The following ZAN variants were observed in gnomAD, a reference collection of about 807,000 sequenced individuals.
The protein encoded by ZAN is zonadhesin (gene/pseudogene).
ZAN carries 260 observed loss-of-function variants against 286.2 expected under a neutral mutation model. That is an observed-to-expected ratio of 0.91 (90% CI 0.82 to 1.01). The LOEUF (loss-of-function observed/expected upper bound fraction) is 1.01. Among genes scored for constraint, ZAN ranks in the 50% least tolerant of loss-of-function variants. The pLI is 0.00. For missense variants in ZAN, 3,410 were observed against 3,639.2 expected (o/e 0.94, Z 1.62); for synonymous variants, 1,368 against 1,417.5 (o/e 0.97, Z 0.79).
Position 100,748,588 on chromosome 7 carries a change from G to C in ZAN, c.1249+118G>C, listed in dbSNP as rs1808398188. 4 of 1,393,234 alleles carry C rather than the reference G, an allele frequency of 2.9e-6. No homozygotes were observed. In the East Asian group the frequency reaches 1.0e-4, roughly 35 times the overall value. The allele number at this position is 1,393,234 out of a possible 1,614,324, so 86.3% of individuals were successfully genotyped here. ...CAGGCAGTGGGAAGATCAGTCCACA[G>C]GTGTTTTTTCGGAAGTTTCCATGGT... is the stretch of plus-strand genomic sequence containing the variant. On this transcript the variant is annotated intron_variant, in intron 11 of 47. Coordinates refer to ENST00000613979, the MANE Select transcript of ZAN (RefSeq NM_003386.3).
intron 20 of ZAN, among the ~76,000 whole-genome samples, chr7:100,762,669 C>T (rs1809680221): frequency 6.6e-6 from 1 of 151,712 alleles, no homozygotes; most frequent in South Asian, 2.1e-4. Context: ...AAGTGATCCA[C>T]CTGCCTTGGC....
At chr7:100,771,048 C>G (rs62483598) in intron 28 of ZAN, among the ~76,000 whole-genome samples, 38,816 of 152,044 alleles carry the variant, frequency 0.26, 5,240 homozygotes, top group Non-Finnish European at 0.29. Flanking sequence ...AAATGATCCA[C>G]CTGCCTTGGC....
chr7:100,745,073 G>A (rs145231154), intron 7 of ZAN, among the ~76,000 whole-genome samples: 2,642 of 151,566 alleles, frequency 0.017, 130 homozygotes, highest in African/African-American at 0.062. Context: ...TAGTAGAGAC[G>A]GGATTTCGCC....
chr7:100,742,874 GGAGA>G (rs1331955765), intron 7 of ZAN, among the ~76,000 whole-genome samples: 2 of 43,318 alleles, frequency 4.6e-5, no homozygotes, highest in Non-Finnish European at 5.8e-5. Context: ...CGGAGACGAG[GGAGA>G]GGGAGGGGGA....
chr7:100,735,837 G>T, intron 3 of ZAN, 65 bp downstream of exon 3: 2 of 1,256,472 alleles, frequency 1.6e-6, no homozygotes, highest in African/African-American at 1.5e-5. Context: ...TCTGCCACCA[G>T]AATGCCAGTT....
chr7:100,781,404 A>C (rs1811186925), intron 35 of ZAN, among the ~76,000 whole-genome samples: 1 of 152,088 alleles, frequency 6.6e-6, no homozygotes, highest in Non-Finnish European at 1.5e-5. Context: ...CTCGCGTTCC[A>C]GGAGCAAAGC....
At chr7:100,739,074 T>C (rs1271469107) in intron 7 of ZAN, among the ~76,000 whole-genome samples, 3 of 128,002 alleles carry the variant, frequency 2.3e-5, no homozygotes, top group Admixed American at 7.9e-5. Flanking sequence ...TGCAGTGGCG[T>C]GATCTCTGCT....
intron 20 of ZAN, among the ~76,000 whole-genome samples, chr7:100,762,844 A>T (rs1221292413): frequency 6.6e-6 from 1 of 151,718 alleles, no homozygotes; most frequent in Non-Finnish European, 1.5e-5. Flanking sequence ...AGCTCAAGCA[A>T]TCCTCCCTTC....
At chr7:100,785,570 T>G (rs1463394613) in intron 36 of ZAN, among the ~76,000 whole-genome samples, 2 of 152,090 alleles carry the variant, frequency 1.3e-5, no homozygotes, top group Non-Finnish European at 2.9e-5. Context: ...ACACTGTGGC[T>G]GCCTCTGGCC....
Position 100,748,147 on chromosome 7 carries a change from T to C in ZAN, c.1034T>C (p.Val345Ala), listed in dbSNP as rs1290589060. Residue 345 changes from valine to alanine, a missense_variant, in exon 10 of 48, where the codon GTA (valine) becomes GCA (alanine). Physicochemically the swap from Val to Ala is moderately conservative, Grantham distance 64. Coordinates refer to ENST00000613979, the MANE Select transcript of ZAN (RefSeq NM_003386.3). ...TCCCTTTCTCTCCAGTTTGCCGTGG[T>C]AGGCGTTTTTGGAAAGACCCCAGAG... ...TAVGRIQFAV[V>A]GVFGKTPEPA... is the part of the protein sequence containing the mutation. 3.7e-6 allele frequency: 6 copies of C among 1,613,860 alleles called. No individual in the cohort carries two copies. In the South Asian group the frequency reaches 5.5e-5, roughly 15 times the overall value.
Position 100,790,930 on chromosome 7 carries a change from T to G in ZAN, c.7358-12T>G. The G allele has an allele frequency of 6.3e-7, 1 of 1,587,966 alleles. No individual in the cohort carries two copies. Among genetic ancestry groups the G allele is most frequent in the Non-Finnish European group, 8.6e-7 (1 of 1,167,898 alleles). On this transcript the variant is annotated splice_polypyrimidine_tract_variant and intron_variant, in intron 39 of 47. Transcript: ENST00000613979. ...AGGAGTCTCACTTCTGGGGACCCCC[T>G]TCCTCCCGCAGTGATCTCCCTACCC...
chr7:100,749,671 TATATAC>T (rs1321759234), intron 11 of ZAN, among the ~76,000 whole-genome samples: 1 of 137,826 alleles, frequency 7.3e-6, no homozygotes, highest in African/African-American at 2.7e-5. Context: ...TATATATATA[TATATAC>T]ACACACACAC....
intron 34 of ZAN, 74 bp from the exon 35 acceptor site, chr7:100,779,372 C>T: frequency 6.9e-7 from 1 of 1,441,242 alleles, no homozygotes; most frequent in Non-Finnish European, 9.2e-7. Context: ...AGCAAGACTC[C>T]CCCTAAAGAA....
intron 29 of ZAN, among the ~76,000 whole-genome samples, chr7:100,772,860 T>G (rs921797844): frequency 1.1e-4 from 7 of 61,754 alleles, no homozygotes; most frequent in African/African-American, 1.8e-4. Context: ...TTTATGTCTG[T>G]TTTTTTTTTG....
At chr7:100,743,608 A>G (rs1322430954) in intron 7 of ZAN, among the ~76,000 whole-genome samples, 1 of 152,084 alleles carries the variant, frequency 6.6e-6, no homozygotes, top group Non-Finnish European at 1.5e-5. Context: ...CAGGTGCAGT[A>G]GCTCATGCCT....
chr7:100,750,685 T>G lies in ZAN; in HGVS notation c.1310T>G (p.Leu437Arg). ...EFSQAGQSVR[L>R]VSRPFCAPGD... The stretch of plus-strand genomic sequence containing the variant: ...TCCCAGGCAGGCCAGTCAGTCAGAC[T>G]GGTGAGCCGGCCCTTCTGCGCCCCA... Residue 437 changes from leucine to arginine, a missense_variant, in exon 12 of 48, where the codon CTG becomes CGG. This residue lies in a region of ZAN where 872 missense variants were observed against 938.9 expected (regional missense o/e 0.93). Coordinates refer to ENST00000613979, the MANE Select transcript of ZAN (RefSeq NM_003386.3). 1 of 1,613,408 alleles carries G rather than the reference T, an allele frequency of 6.2e-7. No homozygotes were observed. Among genetic ancestry groups the G allele is most frequent in the South Asian group, 1.1e-5 (1 of 90,914 alleles).
At position 100,775,431 on chromosome 7, in the gene ZAN, C is replaced by G. The variant is rs1282894768; in HGVS notation, c.5883C>G (p.Cys1961Trp). ...DACTLVLVKV[C>W]HPAMALPFFK... is the part of the protein sequence containing the mutation. Reference sequence around the variant, plus strand: ...GCACTCTTGTCCTGGTGAAAGTGTGCCACCCCGCCATGGCCTTGCCCTTCT... The same window carrying G: ...GCACTCTTGTCCTGGTGAAAGTGTGGCACCCCGCCATGGCCTTGCCCTTCT... The change falls in exon 32 of 48, where the codon TGC becomes TGG. Residue 1961 changes from cysteine (C) to tryptophan (W), a missense_variant. By Grantham distance (215) the Cys-to-Trp change is radical. Coordinates refer to ENST00000613979, the MANE Select transcript of ZAN (RefSeq NM_003386.3). 15 of 1,613,900 alleles carry G rather than the reference C, an allele frequency of 9.3e-6. No homozygotes were observed. Among genetic ancestry groups the G allele is most frequent in the Non-Finnish European group, 1.2e-5 (14 of 1,179,892 alleles).
rs1177155126 is a variant in ZAN at position 100,759,727 on chromosome 7, T to A, written c.3578T>A (p.Phe1193Tyr). 1 of 1,586,714 alleles carries A rather than the reference T, an allele frequency of 6.3e-7. No individual in the cohort carries two copies. Among genetic ancestry groups the A allele is most frequent in the Admixed American group, 1.8e-5 (1 of 56,070 alleles). The change falls in exon 18 of 48, where the codon TTC becomes TAC. Residue 1193 changes from phenylalanine (F) to tyrosine (Y), a missense_variant. Physicochemically the swap from Phe to Tyr is conservative, Grantham distance 22 (BLOSUM62 3). Around this residue, in one of 7 missense-constraint regions of ZAN, gnomAD observed 1,042 missense variants for 1,058.0 expected, o/e 0.98. Coordinates refer to ENST00000613979, the MANE Select transcript of ZAN (RefSeq NM_003386.3). Reference sequence around the variant, plus strand: ...CATTCCTCTCCCTACCCAGACCCATTCTTCAGGGTGACAGCCAAGAATGAG... The same window carrying A: ...CATTCCTCTCCCTACCCAGACCCATACTTCAGGGTGACAGCCAAGAATGAG... ...AQPCGNSTDPFFRVTAKNEEQ... is the reference protein window; with the variant it reads ...AQPCGNSTDPYFRVTAKNEEQ...
intron 26 of ZAN, 55 bp downstream of exon 26, chr7:100,768,066 C>G (rs1425092765): frequency 2.0e-5 from 31 of 1,546,590 alleles, no homozygotes; most frequent in Middle Eastern, 3.5e-4. Context: ...GGCGTGTGAC[C>G]TGGTCCCAGC....
Sources: gnomAD v4.1 joint callset for allele counts (sites outside exome capture counted in the v4.1 genomes callset) on GRCh38, gnomAD v4.1.1 for gene constraint, gnomAD v4.1.1 regional missense constraint, MANE v1.5 for transcripts, NCBI Gene and HGNC (gene_info 2026-07-23, HGNC 2026-07-21) for gene names.